The following NCOR2 variants were observed in gnomAD, a reference collection of about 807,000 sequenced individuals.
NCOR2 encodes CTG repeat protein 26.
NCOR2 carries 81 observed loss-of-function variants against 262.9 expected under a neutral mutation model. The observed-to-expected ratio is 0.31, with a 90% CI of 0.26 to 0.37. NCOR2 has a LOEUF of 0.37. Among genes scored for constraint, NCOR2 ranks in the 10% least tolerant of loss-of-function variants. The probability of loss-of-function intolerance (pLI) is 1.00; values close to 1 mark genes in which losing one functional copy is unlikely to be tolerated. For synonymous variants in NCOR2, 1,659 were observed against 1,559.3 expected, an observed-to-expected ratio of 1.06 and a Z score of -1.51; for missense variants, 3,385 against 3,621.4, an observed-to-expected ratio of 0.93 and a Z score of 1.68.
intron 1 of NCOR2, among the ~76,000 whole-genome samples, chr12:124,508,535 G>A (rs1306904254): frequency 3.3e-5 from 5 of 152,294 alleles, no homozygotes; most frequent in East Asian, 3.9e-4. Flanking sequence ...GCACCACGCC[G>A]AGGGGAGGGG....
intron 18 of NCOR2, 33 bp from the exon 21 acceptor site, chr12:124,374,496 G>A (rs746649235): frequency 1.8e-5 from 29 of 1,605,420 alleles, no homozygotes; most frequent in Non-Finnish European, 2.4e-5. Flanking sequence ...TTAGAAGTGA[G>A]GCAGCACCAA....
chr12:124,546,869 C>G (rs920173144), intron 1 of NCOR2, among the ~76,000 whole-genome samples: 23 of 152,208 alleles, frequency 1.5e-4, no homozygotes, highest in African/African-American at 5.5e-4. Context: ...GGAATCAGAT[C>G]AACTGTGATG....
At chr12:124,410,781 C>A (rs1268904109) in intron 13 of NCOR2, among the ~76,000 whole-genome samples, 1 of 152,200 alleles carries the variant, frequency 6.6e-6, no homozygotes, top group African/African-American at 2.4e-5. Flanking sequence ...TCCCCAGGGA[C>A]CAAGCCTGGC....
chr12:124,466,573 A>G (rs987914709), intron 4 of NCOR2, among the ~76,000 whole-genome samples: 1 of 152,138 alleles, frequency 6.6e-6, no homozygotes, highest in African/African-American at 2.4e-5. Flanking sequence ...GCTAGCCCTC[A>G]GTTGCCCCAT....
Position 124,549,785 on chromosome 12 carries a change from G to A in NCOR2, c.-164-14174C>T, listed in dbSNP as rs192974073. On this transcript the variant is annotated intron_variant, in intron 1 of 32. Transcript: ENST00000458234. The surrounding 1 kb of genome is among the most constrained non-coding windows in gnomAD (Gnocchi z 4.4). The stretch of plus-strand genomic sequence containing the variant: ...ATAACCTTATCACGTTTCACGGAGG[G>A]AGAGAGGGCGGCAGGAACGGGGCCT... Among the ~76,000 whole-genome samples, 3 of 152,308 alleles carry A rather than the reference G, an allele frequency of 2.0e-5. No individual in the cohort carries two copies. The highest frequency in any genetic ancestry group is 2.0e-4 in the Admixed American group (3 of 15,300).
At position 124,534,278 on chromosome 12, in the gene NCOR2, G is replaced by A. The variant is rs535227738; in HGVS notation, c.-118+1287C>T. ...TCGAGACCAGCCTGGCCAACATGGC[G>A]AAACCCCATCTCTACTACAAATACA... is the stretch of plus-strand genomic sequence containing the variant. On this transcript the variant is annotated intron_variant, in intron 1 of 46. Transcript: ENST00000404621. 4.2e-3 allele frequency among the ~76,000 whole-genome samples: 633 copies of A among 152,224 alleles called. 2 individuals are homozygous for A. The highest frequency in any genetic ancestry group is 4.7e-3 in the Non-Finnish European group (320 of 68,010).
chr12:124,367,666 T>C (rs2039147589), intron 20 of NCOR2, among the ~76,000 whole-genome samples: 1 of 152,184 alleles, frequency 6.6e-6, no homozygotes, highest in African/African-American at 2.4e-5. Context: ...AGAGTCTTGC[T>C]CTGTTGCCCA....
At chr12:124,502,337 T>G (rs1448501527) in intron 1 of NCOR2, among the ~76,000 whole-genome samples, 1 of 151,958 alleles carries the variant, frequency 6.6e-6, no homozygotes, top group Non-Finnish European at 1.5e-5. Flanking sequence ...TGATCCCAAA[T>G]CCCCCACCTC....
intron 1 of NCOR2, among the ~76,000 whole-genome samples, chr12:124,560,314 T>C (rs1390590485): frequency 6.6e-6 from 1 of 152,264 alleles, no homozygotes; most frequent in Non-Finnish European, 1.5e-5. Context: ...ACAGACAACA[T>C]GTAAATGAGT....
chr12:124,325,589 G>T lies in NCOR2; in HGVS notation c.7364-6C>A. The T allele has an allele frequency of 7.8e-7, 1 of 1,273,920 alleles. No homozygotes were observed. Among genetic ancestry groups the T allele is most frequent in the East Asian group, 3.0e-5 (1 of 33,526 alleles). 78.9% of individuals were successfully genotyped at this position (1,273,920 alleles called of 1,614,324 possible). On this transcript the variant is annotated splice_region_variant and splice_polypyrimidine_tract_variant and intron_variant, in intron 46 of 46. Coordinates refer to ENST00000405201, the Ensembl canonical transcript of NCOR2. Reference sequence around the variant, plus strand: ...GTAGGGGAATGGCGTGGAACCTGCGGGAAGAAGCGAAAGATGCCCAGGAGG... The same window carrying T: ...GTAGGGGAATGGCGTGGAACCTGCGTGAAGAAGCGAAAGATGCCCAGGAGG...
chr12:124,521,755 A>G (rs1746167911), intron 1 of NCOR2, among the ~76,000 whole-genome samples: 1 of 152,124 alleles, frequency 6.6e-6, no homozygotes, highest in Non-Finnish European at 1.5e-5. Context: ...TGTGATGTGA[A>G]TTTCACCTCA....
chr12:124,335,265 C>A, exon 40 of NCOR2: 1 of 1,602,964 alleles, frequency 6.2e-7, no homozygotes, highest in Non-Finnish European at 8.5e-7. Flanking sequence ...GGCCTCCCCG[C>A]CAAGCTTCAC....
intron 43 of NCOR2, chr12:124,331,965 C>A (rs1016037815): frequency 7.7e-6 from 2 of 259,828 alleles, no homozygotes; most frequent in African/African-American, 2.2e-5. Context: ...CCAGCAACCA[C>A]GTCAATGGGT....
At chr12:124,398,832 A>T (rs1377991918) in intron 15 of NCOR2, among the ~76,000 whole-genome samples, 3 of 152,008 alleles carry the variant, frequency 2.0e-5, no homozygotes, top group Non-Finnish European at 4.4e-5. Flanking sequence ...GAATGTTCAT[A>T]CCCCCACTCA....
At chr12:124,525,943 G>A (rs538183069) in intron 1 of NCOR2, among the ~76,000 whole-genome samples, 2 of 152,216 alleles carry the variant, frequency 1.3e-5, no homozygotes, top group African/African-American at 4.8e-5. Flanking sequence ...TATGTATGGG[G>A]TGCACGTTAG....
At chr12:124,358,210 G>A (rs2038161228) in intron 22 of NCOR2, among the ~76,000 whole-genome samples, 1 of 151,650 alleles carries the variant, frequency 6.6e-6, no homozygotes, top group Non-Finnish European at 1.5e-5. Context: ...GCGCGTGCAT[G>A]TGCATGTGTG....
intron 28 of NCOR2, among the ~76,000 whole-genome samples, chr12:124,349,211 C>T (rs549082646): frequency 1.1e-4 from 16 of 152,288 alleles, no homozygotes; most frequent in Admixed American, 3.3e-4. Flanking sequence ...GGTGAACAGA[C>T]GGAGGTGGCC....
intron 12 of NCOR2, among the ~76,000 whole-genome samples, chr12:124,422,166 C>T (rs547691381): frequency 6.6e-6 from 1 of 152,368 alleles, no homozygotes; most frequent in Admixed American, 6.5e-5. Flanking sequence ...CAAGGACGCT[C>T]CACGTGGCCT....
chr12:124,515,134 T>C (rs2049644844), intron 1 of NCOR2, among the ~76,000 whole-genome samples: 1 of 152,174 alleles, frequency 6.6e-6, no homozygotes, highest in South Asian at 2.1e-4. Context: ...AAGCAAACTC[T>C]GCCTGGACCC....
Sources: gnomAD v4.1 joint callset for allele counts (sites outside exome capture counted in the v4.1 genomes callset) on GRCh38, gnomAD v4.1.1 for gene constraint, Gnocchi (gnomAD v3.1) non-coding constraint, MANE v1.5 for transcripts, NCBI Gene and HGNC (gene_info 2026-07-23, HGNC 2026-07-21) for gene names.